IPO11: variants seen among roughly 807,000 people sequenced by gnomAD.
The protein encoded by IPO11 is importin-11.
In IPO11, 66 loss-of-function variants were observed where a neutral mutation model predicts 143.2. The ratio of observed to expected loss-of-function variants is 0.46; its 90% confidence interval spans 0.38 to 0.57. IPO11 has a LOEUF of 0.57. Ranked by LOEUF, IPO11 falls within the 20% of genes least tolerant of loss-of-function variation. IPO11 has a pLI of 0.00. For missense variants in IPO11, 1,026 were observed against 1,141.0 expected, an observed-to-expected ratio of 0.90 and a Z score of 1.45; for synonymous variants, 385 against 377.8, an observed-to-expected ratio of 1.02 and a Z score of -0.22.
At chr5:62,571,762 T>C (rs993647841) in intron 27 of IPO11, among the ~76,000 whole-genome samples, 1 of 151,690 alleles carries the variant, frequency 6.6e-6, no homozygotes, top group Non-Finnish European at 1.5e-5. Context: ...CTCAGCTCAC[T>C]GCAACCTCCG....
Position 62,580,484 on chromosome 5 carries a change from C to T in IPO11, c.2583-11093C>T, listed in dbSNP as rs749362061. 38 of 1,551,276 alleles carry T rather than the reference C, an allele frequency of 2.4e-5. No homozygotes were observed. The highest frequency in any genetic ancestry group is 2.9e-5 in the Non-Finnish European group (33 of 1,146,826). ...CATCCAAGGGTCCTTAAGCCGTTGT[C>T]TTCATTGATTCATCTTCAGGCAAAT... is the stretch of plus-strand genomic sequence containing the variant. On this transcript the variant is annotated intron_variant, in intron 27 of 29. Transcript: ENST00000325324.
intron 1 of IPO11, among the ~76,000 whole-genome samples, chr5:62,435,128 ATATATATGTATATATG>A (rs1447530401): frequency 4.1e-4 from 35 of 86,132 alleles, no homozygotes; most frequent in African/African-American, 1.8e-3. Flanking sequence ...GTATATATGT[ATATATATGTATATATG>A]TATATATGTA....
Position 62,504,911 on chromosome 5 carries a change from A to G in IPO11, c.1665+13A>G. ...TCAGTTTCTACCGGTAAGAATATAC[A>G]TTTCCAGGTATTTTTTTTAAAAAAC... On this transcript the variant is annotated intron_variant, in intron 18 of 29. Transcript: ENST00000325324. The G allele has an allele frequency of 6.8e-7, 1 of 1,465,850 alleles. No homozygotes were observed. The highest frequency in any genetic ancestry group is 1.3e-5 in the South Asian group (1 of 76,638). The allele number at this position is 1,465,850 out of a possible 1,614,324, so 90.8% of individuals were successfully genotyped here. A position where few individuals can be genotyped will look rare whatever the true frequency, so the allele number is the denominator to read the frequency against.
chr5:62,559,942 AG>A (rs59563489), intron 26 of IPO11, among the ~76,000 whole-genome samples: 37,632 of 80,082 alleles, frequency 0.47, 10,768 homozygotes, highest in African/African-American at 0.62. Context: ...AAAAAAAAAA[AG>A]AGAGAGAAAA....
At chr5:62,444,059 G>T (rs1288018265) in intron 3 of IPO11, among the ~76,000 whole-genome samples, 2 of 151,736 alleles carry the variant, frequency 1.3e-5, no homozygotes, top group Admixed American at 6.6e-5. Context: ...GCTGCACTTG[G>T]GATACTATAT....
intron 19 of IPO11, among the ~76,000 whole-genome samples, chr5:62,510,151 T>C (rs1741694854): frequency 6.6e-6 from 1 of 152,208 alleles, no homozygotes; most frequent in African/African-American, 2.4e-5. Context: ...CCCTAATGAC[T>C]GCAAAAACTT....
intron 5 of IPO11, among the ~76,000 whole-genome samples, chr5:62,461,692 C>G (rs1401804774): frequency 1.3e-5 from 2 of 152,182 alleles, no homozygotes; most frequent in East Asian, 1.9e-4. Context: ...ATTTCTGTCT[C>G]AAATGCTATA....
intron 15 of IPO11, among the ~76,000 whole-genome samples, chr5:62,493,442 TAA>T (rs1217947595): frequency 6.6e-6 from 1 of 152,186 alleles, no homozygotes; most frequent in Non-Finnish European, 1.5e-5. Context: ...TTCTTTAAGA[TAA>T]AAGAGTCAGG....
intron 1 of IPO11, among the ~76,000 whole-genome samples, chr5:62,435,102 A>ATATATG (rs1561308767): frequency 0.013 from 845 of 67,114 alleles, 51 homozygotes; most frequent in Non-Finnish European, 0.019. Context: ...GTATATATGT[A>ATATATG]TATATATGTA....
intron 27 of IPO11, chr5:62,576,239 A>G: frequency 6.3e-6 from 1 of 158,698 alleles, no homozygotes. Context: ...CTTATAGCGC[A>G]AAAATGGCCT....
chr5:62,517,084 G>A (rs1742049387), intron 20 of IPO11, among the ~76,000 whole-genome samples: 1 of 151,976 alleles, frequency 6.6e-6, no homozygotes, highest in Non-Finnish European at 1.5e-5. Flanking sequence ...TGTAGTCCCA[G>A]CTGCTCAGGA....
chr5:62,603,163 C>T (rs1316231491), intron 29 of IPO11, among the ~76,000 whole-genome samples: 3 of 152,078 alleles, frequency 2.0e-5, no homozygotes. Context: ...AAAACATCAC[C>T]GAACTTCTTA....
chr5:62,505,233 C>T (rs1231070245), intron 18 of IPO11, among the ~76,000 whole-genome samples: 1 of 151,580 alleles, frequency 6.6e-6, no homozygotes, highest in South Asian at 2.1e-4. Flanking sequence ...TAGGTTATTT[C>T]TCTGTGTTAT....
intron 2 of IPO11, among the ~76,000 whole-genome samples, chr5:62,439,280 G>C (rs1017730507): frequency 7.1e-6 from 1 of 140,922 alleles, no homozygotes; most frequent in Non-Finnish European, 1.5e-5. Flanking sequence ...TACTAACTGC[G>C]TAGGTTTTTT....
At chr5:62,441,658 A>G (rs1229067043) in intron 2 of IPO11, among the ~76,000 whole-genome samples, 1 of 149,490 alleles carries the variant, frequency 6.7e-6, no homozygotes, top group Non-Finnish European at 1.5e-5. Flanking sequence ...GGGATTATAG[A>G]TGTGCACCAC....
Position 62,491,439 on chromosome 5 carries a change from G to C in IPO11, c.1463+1219G>C, listed in dbSNP as rs528865191. ...ATTGGCGAAACAAATGTGCAGTTTAGTTGTCCTTAAACCCTAGAGGCTATT... is the reference window on the plus strand; with the variant it reads ...ATTGGCGAAACAAATGTGCAGTTTACTTGTCCTTAAACCCTAGAGGCTATT... On this transcript the variant is annotated intron_variant, in intron 15 of 29. Transcript: ENST00000325324. 5.9e-5 allele frequency among the ~76,000 whole-genome samples: 9 copies of C among 152,250 alleles called. No individual in the cohort carries two copies. In the South Asian group the frequency reaches 1.7e-3, roughly 28 times the overall value.
intron 27 of IPO11, among the ~76,000 whole-genome samples, chr5:62,586,979 A>T (rs983726273): frequency 4.9e-5 from 7 of 144,184 alleles, no homozygotes; most frequent in East Asian, 2.0e-4. Context: ...ATTCAGCTGA[A>T]TTTTTTTTTT....
Position 62,476,748 on chromosome 5 carries a change from A to G in IPO11, c.823A>G (p.Lys275Glu). The G allele has an allele frequency of 3.3e-6, 5 of 1,519,312 alleles. No individual in the cohort carries two copies. Among genetic ancestry groups the G allele is most frequent in the Non-Finnish European group, 4.4e-6 (5 of 1,130,422 alleles). The allele number at this position is 1,519,312 out of a possible 1,614,324, so 94.1% of individuals were successfully genotyped here. A position where few individuals can be genotyped will look rare whatever the true frequency, so the allele number is the denominator to read the frequency against. The change falls in exon 9 of 30, where the codon AAA becomes GAA. Residue 275 changes from lysine (K) to glutamate (E), a missense_variant. By Grantham distance (56) the Lys-to-Glu change is moderately conservative (BLOSUM62 1). Coordinates refer to ENST00000325324, the MANE Select transcript of IPO11 (RefSeq NM_016338.5). ...RLEKTIILFT[K>E]VLLDFLDQHP... ...GGAAAAGACCATCATTCTTTTTACT[A>G]AAGTGGTAAGTTTTTTAAAAACTTG...
At chr5:62,522,859 A>G (rs1742248263) in intron 20 of IPO11, among the ~76,000 whole-genome samples, 1 of 152,170 alleles carries the variant, frequency 6.6e-6, no homozygotes, top group Admixed American at 6.5e-5. Context: ...ATGTATCTGG[A>G]TGAGATCTTG....
Sources: gnomAD v4.1 joint callset for allele counts (sites outside exome capture counted in the v4.1 genomes callset) on GRCh38, gnomAD v4.1.1 for gene constraint, MANE v1.5 for transcripts, NCBI Gene and HGNC (gene_info 2026-07-23, HGNC 2026-07-21) for gene names.